Variants in ZNF559 observed in about 807,000 individuals in gnomAD.
ZNF559 encodes the protein zinc finger protein 559.
A neutral mutation model predicts 14.2 loss-of-function variants in ZNF559; 17 were observed. The ratio of observed to expected loss-of-function variants is 1.20; its 90% CI spans 0.82 to 1.80. The LOEUF (loss-of-function observed/expected upper bound fraction) is 1.80. Ranked by LOEUF, ZNF559 falls within the 40% of genes most tolerant of loss-of-function variation. ZNF559 has a pLI of 0.00. For missense variants in ZNF559, 740 were observed against 629.7 expected, an observed-to-expected ratio of 1.18 and a Z score of -1.88; for synonymous variants, 244 against 212.4, an observed-to-expected ratio of 1.15 and a Z score of -1.29.
At chr19:9,325,198 G>A (rs1332701527) in intron 2 of ZNF559, among the ~76,000 whole-genome samples, 106 of 152,018 alleles carry the variant, frequency 7.0e-4, no homozygotes, top group African/African-American at 2.5e-3. Context: ...TAATCCCAGC[G>A]TTTTGGGAGG....
chr19:9,335,675 C>G (rs1460992202), intron 2 of ZNF559, among the ~76,000 whole-genome samples: 2 of 152,164 alleles, frequency 1.3e-5, no homozygotes, highest in Non-Finnish European at 2.9e-5. Flanking sequence ...GCTGGCACTA[C>G]AGACACGTAC....
intron 2 of ZNF559, among the ~76,000 whole-genome samples, chr19:9,336,044 A>C (rs566792576): frequency 2.2e-4 from 34 of 152,340 alleles, no homozygotes; most frequent in African/African-American, 7.9e-4. Flanking sequence ...CCTTAGCAGT[A>C]TTCTGAGTTT....
intron 3 of ZNF559, 43 bp downstream of exon 3, chr19:9,337,901 G>T: frequency 6.5e-7 from 1 of 1,533,962 alleles, no homozygotes; most frequent in South Asian, 1.2e-5. Flanking sequence ...AAGAGGAATT[G>T]AGATTGACTT....
intron 2 of ZNF559, among the ~76,000 whole-genome samples, chr19:9,325,447 G>GAA (rs112817574): frequency 4.7e-5 from 7 of 149,734 alleles, no homozygotes; most frequent in African/African-American, 1.7e-4. Flanking sequence ...GTTTCAAAAA[G>GAA]AAGAAAAAAA....
Position 9,342,496 on chromosome 19 carries a change from G to A in ZNF559, c.1045G>A (p.Gly349Arg). 1 of 1,614,182 alleles carries A rather than the reference G, an allele frequency of 6.2e-7. No individual in the cohort carries two copies. The highest frequency in any genetic ancestry group is 8.5e-7 in the Non-Finnish European group (1 of 1,180,038). The change falls in exon 7 of 7, where the codon GGA becomes AGA. Residue 349 changes from glycine (G) to arginine (R), a missense_variant. Coordinates refer to ENST00000603380, the MANE Select transcript of ZNF559 (RefSeq NM_032497.3). ...TATAAAACACAGGCGAACTCACACT[G>A]GAGAAAAGCCTTATGAATGTAAGGA... is the stretch of plus-strand genomic sequence containing the variant. ...GLIKHRRTHTGEKPYECKECG... is the reference protein window; with the variant it reads ...GLIKHRRTHTREKPYECKECG...
intron 1 of ZNF559, 143 bp from the exon 2 acceptor site, chr19:9,324,543 CAGCGCTTTG>C (rs1236810595): frequency 8.1e-7 from 1 of 1,234,890 alleles, no homozygotes; most frequent in African/African-American, 1.5e-5. Context: ...CTGTCATTCC[CAGCGCTTTG>C]GGCGGATTGG....
At chr19:9,328,296 T>C (rs1032670141) in intron 2 of ZNF559, among the ~76,000 whole-genome samples, 2 of 151,902 alleles carry the variant, frequency 1.3e-5, no homozygotes, top group African/African-American at 4.8e-5. Context: ...AACTCAGTTT[T>C]TTTCTCTGTG....
intron 2 of ZNF559, among the ~76,000 whole-genome samples, chr19:9,336,903 A>G (rs1005484000): frequency 3.3e-5 from 5 of 152,200 alleles, no homozygotes; most frequent in African/African-American, 7.2e-5. Flanking sequence ...ACGCTCAGTG[A>G]TGGAAGCACT....
intron 4 of ZNF559, 146 bp downstream of exon 4, chr19:9,338,728 G>C: frequency 1.6e-6 from 1 of 619,738 alleles, no homozygotes; most frequent in Non-Finnish European, 2.9e-6. Flanking sequence ...GGACCACAGG[G>C]CCTCTCACAT....
rs1399393129 is a variant in ZNF559 at position 9,342,792 on chromosome 19, A to T, written c.1341A>T (p.Arg447Ser). 6.2e-7 allele frequency: 1 copy of T among 1,613,736 alleles called. No individual in the cohort carries two copies. Among genetic ancestry groups the T allele is most frequent in the South Asian group, 1.1e-5 (1 of 91,040 alleles). Residue 447 changes from arginine to serine, a missense_variant, in exon 7 of 7, where the codon AGA becomes AGT. Transcript: ENST00000603380. ...GTGAGGAATGTGGGAAAGCCTTTAG[A>T]TACTCCTCGCACCTTAGTCAACATA... is the stretch of plus-strand genomic sequence containing the variant. ...FECEECGKAF[R>S]YSSHLSQHKR... is the part of the protein sequence containing the mutation.
chr19:9,324,639 T>G, intron 1 of ZNF559, 56 bp from the exon 2 acceptor site: 26 of 1,085,242 alleles, frequency 2.4e-5, no homozygotes, highest in African/African-American at 5.5e-5. Flanking sequence ...CAACCATCTC[T>G]AATGGAAAAA....
intron 2 of ZNF559, among the ~76,000 whole-genome samples, chr19:9,330,423 C>T (rs2145099087): frequency 6.6e-6 from 1 of 152,268 alleles, no homozygotes; most frequent in South Asian, 2.1e-4. Flanking sequence ...TCTCTCTCTG[C>T]TCCCTCTGTA....
At chr19:9,324,659 G>C in intron 1 of ZNF559, 36 bp from the exon 2 acceptor site, 1 of 1,036,520 alleles carries the variant, frequency 9.6e-7, no homozygotes, top group Non-Finnish European at 1.3e-6. Context: ...AAAAAAAAAA[G>C]TCTCCACATC....
chr19:9,342,337 C>T lies in ZNF559; in HGVS notation c.886C>T (p.His296Tyr), dbSNP rs1369084591. ...TATAAGACTTAGAACTAGAGGAAAA[C>T]ACTATGTTTGTAATGAATGTGGCAA... Reference protein sequence around the residue: ...KHIRLRTRGKHYVCNECGKEF... With the variant: ...KHIRLRTRGKYYVCNECGKEF... Residue 296 changes from histidine (H) to tyrosine (Y), a missense_variant, in exon 7 of 7, where the codon CAC becomes TAC. Transcript: ENST00000603380. 3 of 1,604,790 alleles carry T rather than the reference C, an allele frequency of 1.9e-6. No homozygotes were observed. The highest frequency in any genetic ancestry group is 2.6e-6 in the Non-Finnish European group (3 of 1,176,256).
intron 2 of ZNF559, among the ~76,000 whole-genome samples, chr19:9,326,341 G>C (rs537070566): frequency 6.6e-6 from 1 of 152,128 alleles, no homozygotes; most frequent in South Asian, 2.1e-4. Flanking sequence ...TCCTGACCTC[G>C]TGATCTGCCG....
intron 2 of ZNF559, among the ~76,000 whole-genome samples, chr19:9,330,911 A>G (rs1039087917): frequency 5.3e-5 from 8 of 152,240 alleles, no homozygotes; most frequent in African/African-American, 1.9e-4. Context: ...AGTAGTAGGT[A>G]TTTCTCTCAG....
chr19:9,342,806 T>C lies in ZNF559; in HGVS notation c.1355T>C (p.Leu452Pro). 6.2e-7 allele frequency: 1 copy of C among 1,614,156 alleles called. No individual in the cohort carries two copies. The change falls in exon 7 of 7, where the codon CTT becomes CCT. Residue 452 changes from leucine (L) to proline (P), a missense_variant. By Grantham distance (98) the Leu-to-Pro change is moderately conservative. Coordinates refer to ENST00000603380, the MANE Select transcript of ZNF559 (RefSeq NM_032497.3). ...AAAGCCTTTAGATACTCCTCGCACCTTAGTCAACATAAAAGAATACATACA... is the reference window on the plus strand; with the variant it reads ...AAAGCCTTTAGATACTCCTCGCACCCTAGTCAACATAAAAGAATACATACA... ...CGKAFRYSSH[L>P]SQHKRIHTGE... is the part of the protein sequence containing the mutation.
At chr19:9,326,808 G>A (rs1257204243) in intron 2 of ZNF559, among the ~76,000 whole-genome samples, 1 of 152,000 alleles carries the variant, frequency 6.6e-6, no homozygotes, top group East Asian at 1.9e-4. Flanking sequence ...AATTTTCATT[G>A]GAAATTCTTG....
Position 9,342,505 on chromosome 19 carries a change from C to T in ZNF559, c.1054C>T (p.Pro352Ser). ...KHRRTHTGEK[P>S]YECKECGKAF... ...CAGGCGAACTCACACTGGAGAAAAG[C>T]CTTATGAATGTAAGGAATGTGGGAA... The change falls in exon 7 of 7, where the codon CCT becomes TCT. Residue 352 changes from proline (P) to serine (S), a missense_variant. Transcript: ENST00000603380. 6.2e-7 allele frequency: 1 copy of T among 1,614,132 alleles called. No individual in the cohort carries two copies. Among genetic ancestry groups the T allele is most frequent in the Non-Finnish European group, 8.5e-7 (1 of 1,180,024 alleles).
Sources: gnomAD v4.1 joint callset for allele counts (sites outside exome capture counted in the v4.1 genomes callset) on GRCh38, gnomAD v4.1.1 for gene constraint, MANE v1.5 for transcripts, NCBI Gene and HGNC (gene_info 2026-07-23, HGNC 2026-07-21) for gene names.